Variants in BICRAL observed in about 807,000 individuals in gnomAD.
BICRAL encodes the protein BRD4-interacting chromatin-remodeling complex-associated protein-like.
BICRAL carries 8 observed loss-of-function variants against 91.8 expected under a neutral mutation model. The ratio of observed to expected loss-of-function variants is 0.09; its 90% CI spans 0.05 to 0.16. The LOEUF is 0.16. BICRAL is among the 10% of genes least tolerant of loss of function. The probability of loss-of-function intolerance (pLI) is 1.00; values close to 1 mark genes in which losing one functional copy is unlikely to be tolerated. For missense variants in BICRAL, 1,038 were observed against 1,310.9 expected (o/e 0.79, Z 3.21); for synonymous variants, 445 against 491.1 (o/e 0.91, Z 1.24).
At chr6:42,815,966 A>G (rs545401161) in intron 2 of BICRAL, among the ~76,000 whole-genome samples, 2 of 148,574 alleles carry the variant, frequency 1.3e-5, no homozygotes, top group Non-Finnish European at 3.0e-5. Flanking sequence ...CCTGGGCAAC[A>G]AGAGAGAAAC....
At chr6:42,816,710 AG>A (rs1764003736) in intron 2 of BICRAL, among the ~76,000 whole-genome samples, 1 of 152,142 alleles carries the variant, frequency 6.6e-6, no homozygotes, top group African/African-American at 2.4e-5. Flanking sequence ...AATGTACAAA[AG>A]GACATATAAA....
chr6:42,852,400 G>A lies in BICRAL; in HGVS notation c.1945+203G>A, dbSNP rs140200254. 924 of 659,030 alleles carry A rather than the reference G, an allele frequency of 1.4e-3. 6 individuals are homozygous for A. In the African/African-American group the frequency reaches 0.014, roughly 10 times the overall value. 40.8% of individuals were successfully genotyped at this position (659,030 alleles called of 1,614,324 possible). The stretch of plus-strand genomic sequence containing the variant: ...CATTGGGCCGGGCACGGTGGCTCAC[G>A]CCTGTAATGCCAGCACTTTGGGAGG... On this transcript the variant is annotated intron_variant, in intron 7 of 12. Coordinates refer to ENST00000314073, the MANE Select transcript of BICRAL (RefSeq NM_001393499.1).
rs570154798 is a variant in BICRAL at position 42,848,617 on chromosome 6, G to T, written c.1840-3475G>T. On this transcript the variant is annotated intron_variant, in intron 6 of 12. Transcript: ENST00000314073. ...CCCGCACTTTAGGTGGCCGAGGCAG[G>T]TGGATTGCTTGAGCTCAGGAGTTTG... Among the ~76,000 whole-genome samples, 14 of 152,338 alleles carry T rather than the reference G, an allele frequency of 9.2e-5. No individual in the cohort carries two copies. The South Asian group carries it at 2.5e-3, about 27-fold the overall frequency.
upstream of BICRAL, among the ~76,000 whole-genome samples, chr6:42,777,111 T>C (rs924017317): frequency 6.6e-6 from 1 of 152,214 alleles, no homozygotes; most frequent in South Asian, 2.1e-4. Context: ...GAGAAACATA[T>C]TAGGTTGAAT....
intron 1 of BICRAL, among the ~76,000 whole-genome samples, chr6:42,747,795 G>GTTTTTTTTTTTTTTTTTTT (rs1343500976): frequency 7.1e-6 from 1 of 141,088 alleles, no homozygotes. Flanking sequence ...TTGCTTTTTT[G>GTTTTTTTTTTTTTTTTTTT]TTTTATTTTG....
intron 1 of BICRAL, among the ~76,000 whole-genome samples, chr6:42,784,545 GA>G (rs1047280609): frequency 5.3e-5 from 8 of 152,198 alleles, no homozygotes; most frequent in African/African-American, 1.9e-4. Flanking sequence ...AACTGTGCCT[GA>G]TGCTTTGTAT....
intron 1 of BICRAL, among the ~76,000 whole-genome samples, chr6:42,787,247 G>A (rs1763127690): frequency 6.6e-6 from 1 of 152,136 alleles, no homozygotes; most frequent in African/African-American, 2.4e-5. Flanking sequence ...GGCTGCTGAT[G>A]GTACCATTTG....
chr6:42,785,308 C>T (rs1307185112), intron 1 of BICRAL, among the ~76,000 whole-genome samples: 3 of 151,958 alleles, frequency 2.0e-5, no homozygotes, highest in African/African-American at 4.8e-5. Flanking sequence ...GCCTGTAATC[C>T]CAGCACTTTT....
rs1764963393 is a variant in BICRAL at position 42,845,197 on chromosome 6, T to G, written c.1840-6895T>G. On this transcript the variant is annotated intron_variant, in intron 6 of 12. Transcript: ENST00000314073. ...TCTCTGTTTTTTGTTTTTTGGGTGT[T>G]TTTTTTTTTTTTTTTTTTTTTTTTT... 7.6e-4 allele frequency among the ~76,000 whole-genome samples: 9 copies of G among 11,844 alleles called. 1 individual carries two copies. The highest frequency in any genetic ancestry group is 5.4e-3 in the South Asian group (2 of 368). The allele number at this position is 11,844 out of a possible 152,430, so 7.8% of individuals were successfully genotyped here. A position where few individuals can be genotyped will look rare whatever the true frequency, so the allele number is the denominator to read the frequency against.
Position 42,863,142 on chromosome 6 carries a change from G to A in BICRAL, c.2452+530G>A, listed in dbSNP as rs374211604. ...TGGCTCACTGCAAGCTCTACCTCCC[G>A]AGTTCACGCCATTCTCCTGCCTCAG... On this transcript the variant is annotated intron_variant, in intron 12 of 12. Transcript: ENST00000314073. 1.4e-3 allele frequency among the ~76,000 whole-genome samples: 201 copies of A among 148,488 alleles called. 1 individual carries two copies. Among genetic ancestry groups the A allele is most frequent in the Middle Eastern group, 7.0e-3 (2 of 286 alleles).
In BICRAL at chr6:42,771,778, C is replaced by T. The variant is rs146209910; in HGVS notation, c.-260-10061C>T. ...AAGCTAGTATAATTCCCAGGCTCAGCCTCTTGGGAGGCTGAGTCTCCAATA... is the reference window on the plus strand; with the variant it reads ...AAGCTAGTATAATTCCCAGGCTCAGTCTCTTGGGAGGCTGAGTCTCCAATA... On this transcript the variant is annotated intron_variant, in intron 1 of 14. Coordinates refer to the BICRAL transcript ENST00000614467. 3.8e-3 allele frequency among the ~76,000 whole-genome samples: 583 copies of T among 152,190 alleles called. 6 individuals carry two copies. Among genetic ancestry groups the T allele is most frequent in the African/African-American group, 0.013 (559 of 41,534 alleles).
chr6:42,820,234 C>T (rs1289877126), intron 2 of BICRAL, among the ~76,000 whole-genome samples: 1 of 151,964 alleles, frequency 6.6e-6, no homozygotes, highest in Non-Finnish European at 1.5e-5. Context: ...AAGTGTTTTT[C>T]TTTGGTATAG....
Position 42,829,414 on chromosome 6 carries a change from G to A in BICRAL, c.1081G>A (p.Val361Met), listed in dbSNP as rs114552894. The A allele has an allele frequency of 1.3e-4, 208 of 1,614,186 alleles. No homozygotes were observed. The African/African-American group carries it at 1.7e-3, about 13-fold the overall frequency. ...QGSVVGPHMSVNIVNQQNTRK... is the reference protein window; with the variant it reads ...QGSVVGPHMSMNIVNQQNTRK... ...CTCAGTAGTTGGTCCACACATGTCTGTGAACATTGTAAACCAACAGAACAC... is the reference window on the plus strand; with the variant it reads ...CTCAGTAGTTGGTCCACACATGTCTATGAACATTGTAAACCAACAGAACAC... Residue 361 changes from valine to methionine, a missense_variant, in exon 6 of 13, where the codon GTG (valine) becomes ATG (methionine). Physicochemically the swap from Val to Met is conservative, Grantham distance 21. This residue lies in a region of BICRAL where 532 missense variants were observed against 724.9 expected (regional missense o/e 0.73). Coordinates refer to ENST00000314073, the MANE Select transcript of BICRAL (RefSeq NM_001393499.1).
chr6:42,822,901 G>T, intron 4 of BICRAL, 34 bp from the exon 5 acceptor site: 1 of 1,540,626 alleles, frequency 6.5e-7, no homozygotes, highest in Non-Finnish European at 9.0e-7. Flanking sequence ...TACAGTTAAA[G>T]TAGTAACCAC....
chr6:42,804,303 G>A (rs942926919), intron 1 of BICRAL, among the ~76,000 whole-genome samples: 6 of 152,138 alleles, frequency 3.9e-5, no homozygotes, highest in Non-Finnish European at 5.9e-5. Flanking sequence ...GATTACAGGC[G>A]TGAGCCACTG....
intron 7 of BICRAL, among the ~76,000 whole-genome samples, chr6:42,853,272 A>G (rs980957670): frequency 6.6e-6 from 1 of 151,808 alleles, no homozygotes; most frequent in Admixed American, 6.6e-5. Context: ...AAAAGCTTGA[A>G]TATTCCCAGT....
chr6:42,772,238 A>C (rs1762749103), intron 1 of BICRAL, among the ~76,000 whole-genome samples: 1 of 152,124 alleles, frequency 6.6e-6, no homozygotes, highest in South Asian at 2.1e-4. Flanking sequence ...TTTTTTCAAA[A>C]ACCTTTGTTT....
In BICRAL at chr6:42,857,153, G is replaced by A. The variant is rs200962323; in HGVS notation, c.2171G>A (p.Arg724Gln). 1.1e-4 allele frequency: 178 copies of A among 1,612,664 alleles called. No individual in the cohort carries two copies. The highest frequency in any genetic ancestry group is 3.3e-4 in the Middle Eastern group (2 of 6,078). The change falls in exon 10 of 13, where the codon CGA becomes CAA. Residue 724 changes from arginine (R) to glutamine (Q), a missense_variant. Transcript: ENST00000314073. ...HTVTPDKSHF[R>Q]SLSDAVQRLL... ...GTGACACCAGACAAAAGTCACTTCC[G>A]ATCACTAAGTGATGCGGTACAGAGA...
chr6:42,859,462 G>C (rs1056493316), intron 10 of BICRAL, among the ~76,000 whole-genome samples: 1 of 151,850 alleles, frequency 6.6e-6, no homozygotes, highest in Non-Finnish European at 1.5e-5. Flanking sequence ...CAAATCCTTG[G>C]AGACCAACAG....
Sources: gnomAD v4.1 joint callset for allele counts (sites outside exome capture counted in the v4.1 genomes callset) on GRCh38, gnomAD v4.1.1 for gene constraint, gnomAD v4.1.1 regional missense constraint, MANE v1.5 for transcripts, NCBI Gene and HGNC (gene_info 2026-07-23, HGNC 2026-07-21) for gene names.